LAMA2: variants seen among roughly 807,000 people sequenced by gnomAD.
LAMA2 encodes the protein laminin subunit alpha-2.
LAMA2 carries 269 observed loss-of-function variants against 364.8 expected under a neutral mutation model. The observed-to-expected ratio is 0.74, with a 90% confidence interval of 0.67 to 0.82. The LOEUF is 0.82. LAMA2 is among the 40% of genes least tolerant of loss of function. The probability of loss-of-function intolerance (pLI) is 0.00; values close to 1 mark genes in which losing one functional copy is unlikely to be tolerated. For missense variants in LAMA2, 3,807 were observed against 3,873.2 expected (o/e 0.98, Z 0.45); for synonymous variants, 1,379 against 1,370.6 (o/e 1.01, Z -0.14).
intron 61 of LAMA2, among the ~76,000 whole-genome samples, chr6:129,505,982 G>T (rs992138476): frequency 2.6e-5 from 4 of 152,138 alleles, no homozygotes; most frequent in African/African-American, 9.7e-5. Flanking sequence ...TTTTAACAAA[G>T]ATTTCTCTTT....
intron 32 of LAMA2, among the ~76,000 whole-genome samples, chr6:129,365,561 C>A (rs895526223): frequency 6.6e-6 from 1 of 152,012 alleles, no homozygotes; most frequent in Admixed American, 6.6e-5. Flanking sequence ...CAGGGTTTCA[C>A]CATGTTGGTC....
chr6:129,103,931 C>T (rs572937509), intron 4 of LAMA2, among the ~76,000 whole-genome samples: 30 of 152,076 alleles, frequency 2.0e-4, no homozygotes, highest in Admixed American at 4.6e-4. Flanking sequence ...TGGTCATTTT[C>T]TTCCAGACCT....
intron 1 of LAMA2, among the ~76,000 whole-genome samples, chr6:128,898,571 A>G (rs1441240472): frequency 1.3e-5 from 2 of 152,186 alleles, no homozygotes; most frequent in East Asian, 3.8e-4. Context: ...TGCCTTCTAG[A>G]CCACAGCACT....
intron 56 of LAMA2, among the ~76,000 whole-genome samples, chr6:129,487,769 G>A (rs1480517971): frequency 1.3e-5 from 2 of 152,132 alleles, no homozygotes; most frequent in Non-Finnish European, 2.9e-5. Flanking sequence ...CATGCAGAAT[G>A]GCTACTGAGA....
intron 1 of LAMA2, among the ~76,000 whole-genome samples, chr6:128,934,493 T>G (rs1582714576): frequency 6.9e-6 from 1 of 144,962 alleles, no homozygotes; most frequent in East Asian, 1.9e-4. Context: ...CTACATTTTC[T>G]TTCTTTTTTT....
chr6:129,438,706 G>C lies in LAMA2; in HGVS notation c.6029G>C (p.Gly2010Ala), dbSNP rs781744363. Residue 2010 changes from glycine to alanine, a missense_variant, in exon 42 of 65, where the codon GGG becomes GCG. Gly to Ala is a moderately conservative substitution (Grantham distance 60). Transcript: ENST00000421865. Reference protein sequence around the residue: ...TRIENADARNGDLLRTLNDTL... With the variant: ...TRIENADARNADLLRTLNDTL... ...ATAGAAAATGCTGATGCTAGAAATG[G>C]GGATCTCTTGAGAACTTTGAATGAC... 1.2e-6 allele frequency: 2 copies of C among 1,610,192 alleles called. No individual in the cohort carries two copies. Among genetic ancestry groups the C allele is most frequent in the Non-Finnish European group, 1.7e-6 (2 of 1,176,850 alleles).
intron 3 of LAMA2, among the ~76,000 whole-genome samples, chr6:129,077,781 G>T (rs1773755129): frequency 6.6e-6 from 1 of 152,164 alleles, no homozygotes; most frequent in Non-Finnish European, 1.5e-5. Flanking sequence ...TTTTCTGGAA[G>T]CTGTTGTTCT....
At chr6:128,897,087 G>C (rs1420296871) in intron 1 of LAMA2, among the ~76,000 whole-genome samples, 2 of 152,190 alleles carry the variant, frequency 1.3e-5, no homozygotes, top group Non-Finnish European at 2.9e-5. Context: ...TGAACTGGTA[G>C]AGACCAAGAT....
chr6:129,272,561 A>T (rs1408771097), intron 17 of LAMA2, among the ~76,000 whole-genome samples: 2 of 151,438 alleles, frequency 1.3e-5, no homozygotes, highest in Admixed American at 6.6e-5. Context: ...AGACTTCTTT[A>T]AAAAAAAATA....
intron 20 of LAMA2, chr6:129,292,768 T>C (rs1371648631): frequency 2.0e-6 from 2 of 979,326 alleles, no homozygotes; most frequent in Admixed American, 6.2e-5. Context: ...TTGCTCTGTT[T>C]TGTTTTTATT....
intron 10 of LAMA2, among the ~76,000 whole-genome samples, chr6:129,179,393 C>T (rs1780798026): frequency 6.6e-6 from 1 of 152,024 alleles, no homozygotes; most frequent in South Asian, 2.1e-4. Flanking sequence ...CTACACCTAC[C>T]ACTCATACAG....
At chr6:128,908,115 G>A (rs1317723012) in intron 1 of LAMA2, among the ~76,000 whole-genome samples, 1 of 150,988 alleles carries the variant, frequency 6.6e-6, no homozygotes. Context: ...TTGTGTCTCT[G>A]CCTGGCTTTG....
intron 17 of LAMA2, among the ~76,000 whole-genome samples, chr6:129,274,614 A>T (rs991166685): frequency 6.6e-6 from 1 of 152,004 alleles, no homozygotes; most frequent in Non-Finnish European, 1.5e-5. Flanking sequence ...AGATTGGTAT[A>T]ATTATTATGA....
At chr6:128,967,624 C>T (rs771329326) in intron 1 of LAMA2, among the ~76,000 whole-genome samples, 58 of 152,036 alleles carry the variant, frequency 3.8e-4, no homozygotes, top group Non-Finnish European at 7.1e-4. Flanking sequence ...AAAAATGTAA[C>T]GGGATCTTTA....
chr6:129,114,521 A>C, intron 4 of LAMA2, among the ~76,000 whole-genome samples: 1 of 152,104 alleles, frequency 6.6e-6, no homozygotes, highest in Non-Finnish European at 1.5e-5. Flanking sequence ...TAGGAATACA[A>C]ATAAACTTTT....
At chr6:129,245,261 C>T (rs1017122983) in intron 12 of LAMA2, among the ~76,000 whole-genome samples, 2 of 152,074 alleles carry the variant, frequency 1.3e-5, no homozygotes, top group African/African-American at 4.8e-5. Flanking sequence ...ATTTTCATCC[C>T]TAGTAAATAT....
chr6:129,149,179 G>A, intron 7 of LAMA2, 83 bp downstream of exon 7: 1 of 854,772 alleles, frequency 1.2e-6, no homozygotes, highest in African/African-American at 1.7e-5. Context: ...TGAAATGGCT[G>A]GTTATGCAAA....
At chr6:129,131,811 T>A (rs1192883500) in intron 4 of LAMA2, among the ~76,000 whole-genome samples, 1 of 152,226 alleles carries the variant, frequency 6.6e-6, no homozygotes, top group Non-Finnish European at 1.5e-5. Context: ...AATGAAACAC[T>A]TTCTTAGAAC....
At chr6:129,025,507 A>G (rs1232857474) in intron 1 of LAMA2, among the ~76,000 whole-genome samples, 1 of 152,176 alleles carries the variant, frequency 6.6e-6, no homozygotes, top group Non-Finnish European at 1.5e-5. Flanking sequence ...ATCTAGAGGC[A>G]ACTTTTTCAT....
Sources: gnomAD v4.1 joint callset for allele counts (sites outside exome capture counted in the v4.1 genomes callset) on GRCh38, gnomAD v4.1.1 for gene constraint, MANE v1.5 for transcripts, NCBI Gene and HGNC (gene_info 2026-07-23, HGNC 2026-07-21) for gene names.